The following PCNX2 variants were observed in gnomAD, a reference collection of about 807,000 sequenced individuals.
PCNX2 encodes pecanex 2, also known as pecanex-like protein 2.
PCNX2 carries 168 observed loss-of-function variants against 223.8 expected under a neutral mutation model. The ratio of observed to expected loss-of-function variants is 0.75; its 90% CI spans 0.66 to 0.85. The LOEUF is 0.85. Ranked by LOEUF, PCNX2 falls within the 40% of genes least tolerant of loss-of-function variation. The pLI, the probability that PCNX2 is intolerant of heterozygous loss-of-function variation, is 0.00. For missense variants in PCNX2, 2,507 were observed against 2,675.5 expected, an observed-to-expected ratio of 0.94 and a Z score of 1.39; for synonymous variants, 1,006 against 1,052.6, an observed-to-expected ratio of 0.96 and a Z score of 0.86.
At chr1:233,130,052 C>T (rs1317050290) in intron 21 of PCNX2, among the ~76,000 whole-genome samples, 1 of 152,046 alleles carries the variant, frequency 6.6e-6, no homozygotes, top group African/African-American at 2.4e-5. Context: ...AACCCACCTG[C>T]AGGAATGAAC....
chr1:232,988,896 C>G (rs911120647), intron 32 of PCNX2, among the ~76,000 whole-genome samples: 1 of 152,200 alleles, frequency 6.6e-6, no homozygotes, highest in Non-Finnish European at 1.5e-5. Flanking sequence ...CAGCTGGGTG[C>G]AAAGTGCTGT....
chr1:233,094,468 G>A (rs141098940), intron 22 of PCNX2, among the ~76,000 whole-genome samples: 278 of 152,256 alleles, frequency 1.8e-3, no homozygotes, highest in African/African-American at 6.4e-3. Context: ...TCTGCCAAAT[G>A]ACCTTGAAAC....
chr1:233,008,357 A>T (rs1670356504), intron 28 of PCNX2, among the ~76,000 whole-genome samples: 1 of 152,210 alleles, frequency 6.6e-6, no homozygotes, highest in Non-Finnish European at 1.5e-5. Context: ...GAGAAGCGGC[A>T]TATGGACCTA....
intron 25 of PCNX2, among the ~76,000 whole-genome samples, chr1:233,030,738 G>A (rs1327768364): frequency 6.6e-6 from 1 of 152,190 alleles, no homozygotes; most frequent in Admixed American, 6.5e-5. Flanking sequence ...TCTCCTCACT[G>A]GCTATTTGGA....
At chr1:233,020,378 G>C (rs971794842) in intron 26 of PCNX2, among the ~76,000 whole-genome samples, 8 of 152,244 alleles carry the variant, frequency 5.3e-5, no homozygotes, top group African/African-American at 1.9e-4. Flanking sequence ...TTCAGAATCT[G>C]TCCGGATGAG....
chr1:233,215,753 C>T (rs1682086989), intron 12 of PCNX2, among the ~76,000 whole-genome samples: 1 of 152,050 alleles, frequency 6.6e-6, no homozygotes, highest in South Asian at 2.1e-4. Context: ...TGGGCTTGAA[C>T]AAAAAAGCTT....
Position 233,262,056 on chromosome 1 carries a change from A to T in PCNX2, c.469T>A (p.Ser157Thr). The T allele has an allele frequency of 6.2e-7, 1 of 1,613,790 alleles. No homozygotes were observed. The highest frequency in any genetic ancestry group is 1.1e-5 in the South Asian group (1 of 91,080). Residue 157 changes from serine to threonine, a missense_variant, in exon 3 of 34, where the codon TCT (serine) becomes ACT (threonine). Around this residue, in one of 3 missense-constraint regions of PCNX2, gnomAD observed 1,031 missense variants for 1,021.7 expected, o/e 1.01. Coordinates refer to ENST00000258229, the MANE Select transcript of PCNX2 (RefSeq NM_014801.4). Reference sequence around the variant, plus strand: ...AGAAGACCACTAACCAATGGCCCAGAAGAGTGATGAGAGGTTATGCTTTGC... The same window carrying T: ...AGAAGACCACTAACCAATGGCCCAGTAGAGTGATGAGAGGTTATGCTTTGC... ...RGQSITSHHS[S>T]GPLELSAQET...
At chr1:233,132,250 A>G (rs1208862079) in intron 21 of PCNX2, among the ~76,000 whole-genome samples, 3 of 152,108 alleles carry the variant, frequency 2.0e-5, no homozygotes, top group Non-Finnish European at 2.9e-5. Flanking sequence ...GGCGTGAGAC[A>G]CCGCACCTAG....
At position 233,295,488 on chromosome 1, in the gene PCNX2, GC is replaced by G; in HGVS notation, c.-11del. The G allele has an allele frequency of 4.5e-6, 7 of 1,545,564 alleles. No individual in the cohort carries two copies. The highest frequency in any genetic ancestry group is 6.1e-6 in the Non-Finnish European group (7 of 1,144,688). Reference sequence around the variant, plus strand: ...GCACCTGGGACACCATGCCGGCTGCGCCCCGGGGCTGGTGAGCGCCCCGCTG... The same window carrying G: ...GCACCTGGGACACCATGCCGGCTGCGCCCGGGGCTGGTGAGCGCCCCGCTG... On this transcript the variant is annotated 5_prime_UTR_variant, in exon 1 of 34. Transcript: ENST00000258229. This position sits in a 1 kb window ranked among gnomAD's most constrained non-coding sequence, Gnocchi z 4.1.
intron 9 of PCNX2, among the ~76,000 whole-genome samples, chr1:233,231,011 AGT>A (rs1658027978): frequency 6.6e-6 from 1 of 152,206 alleles, no homozygotes; most frequent in African/African-American, 2.4e-5. Flanking sequence ...GCCACCAACT[AGT>A]AAAGTCATAA....
At chr1:233,077,775 A>C (rs535276850) in intron 23 of PCNX2, among the ~76,000 whole-genome samples, 1 of 152,310 alleles carries the variant, frequency 6.6e-6, no homozygotes, top group South Asian at 2.1e-4. Flanking sequence ...TTTTTTTCTA[A>C]TTCTCATGTA....
At chr1:233,227,513 T>A in intron 9 of PCNX2, 142 bp from the exon 10 acceptor site, 1 of 746,718 alleles carries the variant, frequency 1.3e-6, no homozygotes, top group Non-Finnish European at 1.9e-6. Context: ...ATGTTCAAAT[T>A]CTGATATGTA....
intron 8 of PCNX2, among the ~76,000 whole-genome samples, chr1:233,244,156 G>T (rs1658960210): frequency 6.6e-6 from 1 of 152,158 alleles, no homozygotes; most frequent in South Asian, 2.1e-4. Flanking sequence ...GCAAACCAGT[G>T]AATTAATTAC....
Position 233,265,635 on chromosome 1 carries a change from G to A in PCNX2, c.154-2472C>T, listed in dbSNP as rs1660291518. 2.6e-5 allele frequency among the ~76,000 whole-genome samples: 4 copies of A among 152,216 alleles called. No individual in the cohort carries two copies. The South Asian group carries it at 8.3e-4, about 31-fold the overall frequency. On this transcript the variant is annotated intron_variant, in intron 1 of 33. Coordinates refer to ENST00000258229, the MANE Select transcript of PCNX2 (RefSeq NM_014801.4). Reference sequence around the variant, plus strand: ...ACAAGATGAGCCCATAACGGAATAAGTAGTAAACTTTTGAGTCATTAAACC... The same window carrying A: ...ACAAGATGAGCCCATAACGGAATAAATAGTAAACTTTTGAGTCATTAAACC...
Position 233,199,006 on chromosome 1 carries a change from A to G in PCNX2, c.2999T>C (p.Val1000Ala). ...GSAVSGITSA[V>A]YSVARSVLAA... ...CAAGACGCTCCGGGCCACACTGTAAACAGCCGAGGTTATCCCAGACACAGC... is the reference window on the plus strand; with the variant it reads ...CAAGACGCTCCGGGCCACACTGTAAGCAGCCGAGGTTATCCCAGACACAGC... The change falls in exon 15 of 34, where the codon GTT becomes GCT. Residue 1000 changes from valine to alanine, a missense_variant. This residue lies in a region of PCNX2 where 1,372 missense variants were observed against 1,509.4 expected (regional missense o/e 0.91). Coordinates refer to ENST00000258229, the MANE Select transcript of PCNX2 (RefSeq NM_014801.4). The G allele has an allele frequency of 1.2e-6, 2 of 1,601,422 alleles. No individual in the cohort carries two copies. Among genetic ancestry groups the G allele is most frequent in the Non-Finnish European group, 1.7e-6 (2 of 1,174,388 alleles).
intron 23 of PCNX2, among the ~76,000 whole-genome samples, chr1:233,085,614 A>C (rs1425187904): frequency 6.6e-6 from 1 of 152,168 alleles, no homozygotes; most frequent in Non-Finnish European, 1.5e-5. Flanking sequence ...TTACTTGTAG[A>C]AAATAGAATG....
At chr1:233,087,200 AC>A in intron 23 of PCNX2, 1 of 985,424 alleles carries the variant, frequency 1.0e-6, no homozygotes, top group Non-Finnish European at 1.2e-6. Context: ...ACCTGCACAA[AC>A]AAAAGTCAGC....
the PCNX2 span, among the ~76,000 whole-genome samples, chr1:233,315,708 C>T: frequency 6.6e-6 from 1 of 152,038 alleles, no homozygotes; most frequent in Admixed American, 6.6e-5. Context: ...CTCACAAAAA[C>T]AGGTAGTATG....
intron 4 of PCNX2, among the ~76,000 whole-genome samples, chr1:233,260,129 T>C (rs1659970613): frequency 2.0e-5 from 3 of 152,166 alleles, no homozygotes; most frequent in Admixed American, 1.3e-4. Flanking sequence ...TTTTATAAGA[T>C]TTGACTAAGG....
Sources: allele counts gnomAD v4.1 joint callset (sites outside exome capture counted in the v4.1 genomes callset), GRCh38; gene constraint gnomAD v4.1.1; regional missense constraint gnomAD v4.1.1; non-coding constraint Gnocchi (gnomAD v3.1); transcripts MANE v1.5; gene names NCBI Gene and HGNC (gene_info 2026-07-23, HGNC 2026-07-21).